The following SNX30 variants were observed in gnomAD, a reference collection of about 807,000 sequenced individuals.
SNX30 encodes sorting nexin-30.
SNX30 carries 24 observed loss-of-function variants against 46.4 expected under a neutral mutation model. The observed-to-expected ratio is 0.52, with a 90% CI of 0.37 to 0.73. The LOEUF (loss-of-function observed/expected upper bound fraction) is 0.73. Ranked by LOEUF, SNX30 falls within the 30% of genes least tolerant of loss-of-function variation. The probability of loss-of-function intolerance (pLI) is 0.00; values close to 1 mark genes in which losing one functional copy is unlikely to be tolerated. For synonymous variants in SNX30, 189 were observed against 211.5 expected (o/e 0.89, Z 0.92); for missense variants, 533 against 555.7 (o/e 0.96, Z 0.41).
chr9:112,861,955 T>A (rs1841244335), intron 7 of SNX30, among the ~76,000 whole-genome samples: 1 of 152,242 alleles, frequency 6.6e-6, no homozygotes, highest in Non-Finnish European at 1.5e-5. Flanking sequence ...CTTGCCTCAG[T>A]GTCTAGGCAT....
intron 6 of SNX30, 27 bp downstream of exon 6, chr9:112,838,724 T>C (rs1840808241): frequency 1.2e-6 from 2 of 1,601,724 alleles, no homozygotes; most frequent in East Asian, 4.5e-5. Context: ...CTTGTGTATT[T>C]GCATACTTTC....
chr9:112,834,882 A>ACACACACACACACAC (rs56385707), intron 4 of SNX30, among the ~76,000 whole-genome samples: 11 of 105,246 alleles, frequency 1.0e-4, no homozygotes, highest in African/African-American at 2.7e-4. Context: ...ACACACACAC[A>ACACACACACACACAC]CCTACCTCAA....
At chr9:112,823,364 T>C (rs1401136558) in intron 3 of SNX30, among the ~76,000 whole-genome samples, 2 of 152,214 alleles carry the variant, frequency 1.3e-5, no homozygotes, top group African/African-American at 4.8e-5. Context: ...TTTATAACAC[T>C]AGCTTTATAT....
intron 1 of SNX30, 99 bp downstream of exon 1, chr9:112,751,256 T>C: frequency 8.0e-7 from 1 of 1,248,964 alleles, no homozygotes; most frequent in South Asian, 2.3e-5. Flanking sequence ...GCGCCCACCC[T>C]GCCGCCCCTT....
At chr9:112,757,621 T>C (rs1182399180) in intron 1 of SNX30, among the ~76,000 whole-genome samples, 8 of 152,220 alleles carry the variant, frequency 5.3e-5, no homozygotes, top group Admixed American at 4.6e-4. Flanking sequence ...CCTAACAGCG[T>C]TGTACAAAAG....
chr9:112,866,969 T>TCCCC (rs1841360971), intron 8 of SNX30, among the ~76,000 whole-genome samples: 4 of 140,042 alleles, frequency 2.9e-5, no homozygotes, highest in Middle Eastern at 4.0e-3. Context: ...TCAGAACTCC[T>TCCCC]CCTCCTTCCT....
intron 8 of SNX30, among the ~76,000 whole-genome samples, chr9:112,865,866 T>G (rs1172560637): frequency 1.3e-5 from 2 of 151,532 alleles, no homozygotes; most frequent in Non-Finnish European, 2.9e-5. Flanking sequence ...GTTCCTTTCT[T>G]CTGTAACTCC....
chr9:112,775,093 G>A (rs1839718875), intron 1 of SNX30, among the ~76,000 whole-genome samples: 1 of 150,460 alleles, frequency 6.6e-6, no homozygotes, highest in Admixed American at 6.6e-5. Context: ...TGATATGCCT[G>A]CCTCCCAAAG....
chr9:112,797,840 A>G (rs117817733), intron 1 of SNX30, among the ~76,000 whole-genome samples: 10,674 of 141,602 alleles, frequency 0.075, 439 homozygotes, highest in Non-Finnish European at 0.1. Context: ...CCCCCCGAGT[A>G]GGCGCACGCC....
intron 7 of SNX30, among the ~76,000 whole-genome samples, chr9:112,854,803 C>A (rs1044661467): frequency 6.6e-6 from 1 of 152,202 alleles, no homozygotes; most frequent in Non-Finnish European, 1.5e-5. Flanking sequence ...ACCCCAGCTG[C>A]GCCCTAGCTT....
At chr9:112,819,042 G>A (rs1840449801) in intron 3 of SNX30, among the ~76,000 whole-genome samples, 1 of 152,128 alleles carries the variant, frequency 6.6e-6, no homozygotes. Flanking sequence ...TGGCAAAATA[G>A]GCAGTTAGTG....
intron 8 of SNX30, among the ~76,000 whole-genome samples, chr9:112,865,000 C>T (rs111967835): frequency 2.6e-5 from 2 of 75,564 alleles, no homozygotes; most frequent in African/African-American, 1.1e-4. Context: ...CACACACACA[C>T]ACACCCACAC....
chr9:112,819,266 C>CTTTTTTTTTTTTTTTTTTTTTTTT (rs35138610), intron 3 of SNX30, among the ~76,000 whole-genome samples: 2 of 117,024 alleles, frequency 1.7e-5, no homozygotes, highest in African/African-American at 6.5e-5. Context: ...TTCTTTCTTT[C>CTTTTTTTTTTTTTTTTTTTTTTTT]TTTTTTTTTT....
At chr9:112,765,509 C>T (rs975297063) in intron 1 of SNX30, among the ~76,000 whole-genome samples, 1 of 152,160 alleles carries the variant, frequency 6.6e-6, no homozygotes, top group Admixed American at 6.5e-5. Context: ...TGGAGTTTTC[C>T]TATTCTGGAC....
chr9:112,856,299 G>A (rs567291017), intron 7 of SNX30, among the ~76,000 whole-genome samples: 162 of 149,472 alleles, frequency 1.1e-3, no homozygotes, highest in Non-Finnish European at 2.0e-3. Context: ...CTGGGGTGTC[G>A]GTGTTGGGGG....
chr9:112,828,037 G>A (rs1459735417), intron 3 of SNX30, among the ~76,000 whole-genome samples: 2 of 152,172 alleles, frequency 1.3e-5, no homozygotes, highest in Non-Finnish European at 2.9e-5. Context: ...CAGGAGAGTA[G>A]GTGGACAATT....
chr9:112,883,529 A>T (rs1355219793), downstream of SNX30, among the ~76,000 whole-genome samples: 1 of 152,130 alleles, frequency 6.6e-6, no homozygotes, highest in Non-Finnish European at 1.5e-5. Flanking sequence ...TAGTTTAAAA[A>T]TATGAAATAA....
At chr9:112,784,959 T>C (rs760486139) in intron 1 of SNX30, among the ~76,000 whole-genome samples, 1 of 152,176 alleles carries the variant, frequency 6.6e-6, no homozygotes, top group Non-Finnish European at 1.5e-5. Flanking sequence ...ACTTGATAAG[T>C]GTTTGGATGA....
intron 5 of SNX30, among the ~76,000 whole-genome samples, chr9:112,880,774 A>G (rs1841566241): frequency 6.6e-6 from 1 of 152,234 alleles, no homozygotes; most frequent in Non-Finnish European, 1.5e-5. Flanking sequence ...CCATCTCTTT[A>G]TCACTGGTAG....
Sources: allele counts gnomAD v4.1 joint callset (sites outside exome capture counted in the v4.1 genomes callset), GRCh38; gene constraint gnomAD v4.1.1; transcripts MANE v1.5; gene names NCBI Gene and HGNC (gene_info 2026-07-23, HGNC 2026-07-21).